HMGCLL1: variants seen among roughly 807,000 people sequenced by gnomAD.
HMGCLL1 encodes 3-hydroxymethyl-3-methylglutaryl-CoA lyase, cytoplasmic.
HMGCLL1 carries 36 observed loss-of-function variants against 39.1 expected under a neutral mutation model. That is an observed-to-expected ratio of 0.92 (90% CI 0.71 to 1.22). The LOEUF is 1.22. Ranked by LOEUF, HMGCLL1 falls within the 50% of genes most tolerant of loss-of-function variation. The pLI is 0.00. For synonymous variants in HMGCLL1, 149 were observed against 144.0 expected, an observed-to-expected ratio of 1.03 and a Z score of -0.25; for missense variants, 451 against 416.5, an observed-to-expected ratio of 1.08 and a Z score of -0.72.
chr6:55,477,405 C>CTAAATATAATATATATTATA lies in HMGCLL1; in HGVS notation c.795+18013_795+18014insTATAATATATATTATATTTA, dbSNP rs1561905315. ...ATTATCTAAATATAATATATATTAT[C>CTAAATATAATATATATTATA]TAAATATATATTATCTTAATATATA... On this transcript the variant is annotated intron_variant, in intron 7 of 8. Transcript: ENST00000274901. Among the ~76,000 whole-genome samples the CTAAATATAATATATATTATA allele has an allele frequency of 1.9e-3, 55 of 28,234 alleles. 14 individuals are homozygous for CTAAATATAATATATATTATA. Among genetic ancestry groups the CTAAATATAATATATATTATA allele is most frequent in the African/African-American group, 0.011 (47 of 4,230 alleles). 18.5% of individuals were successfully genotyped at this position (28,234 alleles called of 152,430 possible). A position where few individuals can be genotyped will look rare whatever the true frequency, so the allele number is the denominator to read the frequency against.
chr6:55,573,032 T>A (rs779475936), intron 1 of HMGCLL1, among the ~76,000 whole-genome samples: 3 of 151,950 alleles, frequency 2.0e-5, no homozygotes, highest in South Asian at 2.1e-4. Flanking sequence ...AAGGCTGGAG[T>A]GGAAATAGTT....
chr6:55,542,258 A>G, intron 1 of HMGCLL1, 118 bp from the exon 2 acceptor site: 1 of 563,368 alleles, frequency 1.8e-6, no homozygotes, highest in South Asian at 2.9e-5. Flanking sequence ...TAAAATACTG[A>G]AAAATCAATA....
At chr6:55,542,997 T>G (rs1425552195) in intron 1 of HMGCLL1, among the ~76,000 whole-genome samples, 1 of 101,000 alleles carries the variant, frequency 9.9e-6, no homozygotes, top group Non-Finnish European at 1.8e-5. Context: ...ATATATATTA[T>G]AAATTATTAT....
chr6:55,556,169 G>A (rs1024824211), intron 1 of HMGCLL1, among the ~76,000 whole-genome samples: 22 of 151,976 alleles, frequency 1.4e-4, no homozygotes, highest in African/African-American at 5.3e-4. Context: ...ACACACAAAA[G>A]TCCCTGTCTT....
chr6:55,500,527 T>C (rs1448970976), intron 5 of HMGCLL1, among the ~76,000 whole-genome samples: 2 of 151,870 alleles, frequency 1.3e-5, no homozygotes, highest in Non-Finnish European at 2.9e-5. Flanking sequence ...GTTACAAAAA[T>C]TATAGAAGTG....
chr6:55,497,740 C>T (rs1288713396), intron 6 of HMGCLL1, among the ~76,000 whole-genome samples: 1 of 152,080 alleles, frequency 6.6e-6, no homozygotes, highest in Non-Finnish European at 1.5e-5. Flanking sequence ...CTTACTAACT[C>T]GTTGAAGAGG....
At chr6:55,539,859 G>GAAGAAAGAAAGA (rs376526008) in intron 3 of HMGCLL1, among the ~76,000 whole-genome samples, 796 of 62,822 alleles carry the variant, frequency 0.013, 7 homozygotes, top group South Asian at 0.018. Context: ...AAAGAAAGAG[G>GAAGAAAGAAAGA]AAGAAAGAAA....
upstream of HMGCLL1, among the ~76,000 whole-genome samples, chr6:55,580,252 A>G (rs1383133315): frequency 6.6e-6 from 1 of 152,070 alleles, no homozygotes; most frequent in African/African-American, 2.4e-5. Flanking sequence ...CACAGGTAAT[A>G]AAAATAAATG....
At chr6:55,661,296 T>C in the HMGCLL1 span, among the ~76,000 whole-genome samples, 1 of 151,980 alleles carries the variant, frequency 6.6e-6, no homozygotes, top group South Asian at 2.1e-4. Flanking sequence ...TGCCAGTTCC[T>C]ATTTCCAGAA....
chr6:55,599,881 G>A, the HMGCLL1 span, among the ~76,000 whole-genome samples: 4 of 152,174 alleles, frequency 2.6e-5, no homozygotes, highest in African/African-American at 7.2e-5. Context: ...TAAAGGTAAA[G>A]ACAGTGTTTC....
chr6:55,441,177 A>C (rs1763582274), intron 7 of HMGCLL1, among the ~76,000 whole-genome samples: 1 of 152,078 alleles, frequency 6.6e-6, no homozygotes, highest in Non-Finnish European at 1.5e-5. Context: ...AAAAATTACT[A>C]GGAGAAAACA....
rs767831751 is a variant in HMGCLL1, at chr6:55,439,516, C to T, written c.839G>A (p.Gly280Asp). The T allele has an allele frequency of 2.5e-6, 4 of 1,612,904 alleles. No homozygotes were observed. The East Asian group carries it at 8.9e-5, about 36-fold the overall frequency. The change falls in exon 8 of 9, where the codon GGC (glycine) becomes GAC (aspartate). Residue 280 changes from glycine to aspartate, a missense_variant. By Grantham distance (94) the Gly-to-Asp change is moderately conservative. Coordinates refer to ENST00000274901, the MANE Select transcript of HMGCLL1 (RefSeq NM_001042406.2). ...VVDSAVSGLG[G>D]CPYAKGASGN... The stretch of plus-strand genomic sequence containing the variant: ...AGAAGCACCTTTTGCATAAGGGCAG[C>T]CACCTAATCCGGATACTGCGGAGTC...
intron 3 of HMGCLL1, among the ~76,000 whole-genome samples, chr6:55,530,865 A>G (rs1183067687): frequency 6.6e-6 from 1 of 152,186 alleles, no homozygotes; most frequent in Non-Finnish European, 1.5e-5. Context: ...TTTTTAAAAA[A>G]TATTCAAATA....
intron 1 of HMGCLL1, among the ~76,000 whole-genome samples, chr6:55,548,894 A>T (rs556214132): frequency 6.6e-6 from 1 of 151,492 alleles, no homozygotes; most frequent in Non-Finnish European, 1.5e-5. Flanking sequence ...GAAAAAAATC[A>T]AAGAAATCAA....
chr6:55,661,759 T>A, the HMGCLL1 span, among the ~76,000 whole-genome samples: 4 of 151,930 alleles, frequency 2.6e-5, no homozygotes, highest in Non-Finnish European at 5.9e-5. Context: ...AGAATATCAC[T>A]GGTGGTTTGA....
intron 7 of HMGCLL1, among the ~76,000 whole-genome samples, chr6:55,473,426 TAC>T (rs776782550): frequency 6.6e-6 from 1 of 151,428 alleles, no homozygotes; most frequent in Non-Finnish European, 1.5e-5. Flanking sequence ...GTGATTTATC[TAC>T]AGTTTCCAAT....
At chr6:55,631,394 A>G in the HMGCLL1 span, among the ~76,000 whole-genome samples, 1 of 152,078 alleles carries the variant, frequency 6.6e-6, no homozygotes, top group African/African-American at 2.4e-5. Flanking sequence ...ATCTTCTATA[A>G]GGAATTATTT....
At chr6:55,550,742 A>C (rs556881610) in intron 1 of HMGCLL1, among the ~76,000 whole-genome samples, 1 of 150,952 alleles carries the variant, frequency 6.6e-6, no homozygotes, top group Admixed American at 6.6e-5. Flanking sequence ...TAACATATTC[A>C]CTCGTTCTCA....
At chr6:55,515,887 C>T (rs903953936) in intron 4 of HMGCLL1, among the ~76,000 whole-genome samples, 2 of 151,912 alleles carry the variant, frequency 1.3e-5, no homozygotes, top group African/African-American at 2.4e-5. Context: ...TTCATTAATA[C>T]CAGAAATAGC....
Sources: gnomAD v4.1 joint callset for allele counts (sites outside exome capture counted in the v4.1 genomes callset) on GRCh38, gnomAD v4.1.1 for gene constraint, MANE v1.5 for transcripts, NCBI Gene and HGNC (gene_info 2026-07-23, HGNC 2026-07-21) for gene names.